The following GRIK1 variants were observed in gnomAD, a reference collection of about 807,000 sequenced individuals.
The protein encoded by GRIK1 is glutamate ionotropic receptor kainate type subunit 1.
Under a neutral mutation model 105.7 loss-of-function variants are expected in GRIK1, and 69 were observed. The observed-to-expected ratio is 0.65, with a 90% CI of 0.54 to 0.80. GRIK1 has a LOEUF of 0.80. Among genes scored for constraint, GRIK1 ranks in the 30% least tolerant of loss-of-function variants. The pLI is 0.00. For synonymous variants in GRIK1, 438 were observed against 431.3 expected, an observed-to-expected ratio of 1.02 and a Z score of -0.19; for missense variants, 1,109 against 1,167.3, an observed-to-expected ratio of 0.95 and a Z score of 0.73.
At chr21:29,793,544 C>T (rs949356883) in intron 1 of GRIK1, among the ~76,000 whole-genome samples, 1 of 151,676 alleles carries the variant, frequency 6.6e-6, no homozygotes, top group African/African-American at 2.4e-5. Context: ...TCCTTCTCCC[C>T]CTTCCTGTTT....
At chr21:29,872,496 A>G (rs2069054051) in intron 1 of GRIK1, among the ~76,000 whole-genome samples, 1 of 152,120 alleles carries the variant, frequency 6.6e-6, no homozygotes, top group Admixed American at 6.5e-5. Flanking sequence ...TCTCTTTTGT[A>G]TGTGGATATA....
In GRIK1 at chr21:29,651,142, A is replaced by G. The variant is rs2146558057; in HGVS notation, c.930T>C (p.Thr310=). The G allele has an allele frequency of 6.2e-7, 1 of 1,609,494 alleles. No individual in the cohort carries two copies. Among genetic ancestry groups the G allele is most frequent in the Non-Finnish European group, 8.5e-7 (1 of 1,178,668 alleles). ...CTGTCATCATGCCATCCAAAAGGCC[A>G]GTCTCGGGCCTGGGTGGGGCCTGCA... ...ERLQAPPRPE[T]GLLDGMMTTE... is the part of the protein sequence containing the mutation. Residue 310 remains threonine (T), a synonymous_variant, in exon 6 of 18, where the codon ACT becomes ACC. Coordinates refer to ENST00000327783, the MANE Select transcript of GRIK1 (RefSeq NM_001330994.2).
chr21:29,682,215 C>A (rs1009019270), intron 3 of GRIK1, among the ~76,000 whole-genome samples: 2 of 152,218 alleles, frequency 1.3e-5, no homozygotes, highest in African/African-American at 2.4e-5. Flanking sequence ...GCTAAAGCTT[C>A]TTCTATTCCA....
At position 29,537,297 on chromosome 21, in the gene GRIK1, T is replaced by C. The variant is rs770945351; in HGVS notation, c.2783A>G (p.Lys928Arg). The C allele has an allele frequency of 1.7e-5, 27 of 1,611,032 alleles. No homozygotes were observed. The highest frequency in any genetic ancestry group is 2.3e-5 in the Non-Finnish European group (27 of 1,177,754). Residue 928 changes from lysine (K) to arginine (R), a missense_variant, in exon 18 of 18, where the codon AAA (lysine) becomes AGA (arginine). By Grantham distance (26) the Lys-to-Arg change is conservative (BLOSUM62 2). Transcript: ENST00000327783. ...AGTAAGGATACTTGTGAAGGAAGAT[T>C]TCCCCTTAGTTCTTGACTTTTTCTT... ...KIKKKSRTKGKSSFTSILTCH... is the reference protein window; with the variant it reads ...KIKKKSRTKGRSSFTSILTCH...
intron 1 of GRIK1, among the ~76,000 whole-genome samples, chr21:29,922,236 C>A (rs1323626855): frequency 6.6e-6 from 1 of 152,006 alleles, no homozygotes; most frequent in Non-Finnish European, 1.5e-5. Context: ...GGTATATAAA[C>A]CTGTGTATCA....
chr21:29,694,188 G>A (rs1027424756), intron 1 of GRIK1, 125 bp from the exon 2 acceptor site: 13 of 631,726 alleles, frequency 2.1e-5, no homozygotes, highest in Admixed American at 6.7e-5. Context: ...GCAATGGCAC[G>A]ATCTCAGCTC....
At chr21:29,584,408 A>G (rs1177396265) in intron 12 of GRIK1, among the ~76,000 whole-genome samples, 1 of 152,202 alleles carries the variant, frequency 6.6e-6, no homozygotes, top group African/African-American at 2.4e-5. Context: ...TATTTGATCT[A>G]TTTAAATTGT....
intron 16 of GRIK1, among the ~76,000 whole-genome samples, chr21:29,550,368 A>G (rs1262778847): frequency 6.6e-6 from 1 of 152,204 alleles, no homozygotes; most frequent in East Asian, 1.9e-4. Flanking sequence ...CATACTGCAT[A>G]GGATTAGTGG....
chr21:29,602,622 A>G (rs1357026716), intron 7 of GRIK1, among the ~76,000 whole-genome samples: 1 of 152,212 alleles, frequency 6.6e-6, no homozygotes, highest in Admixed American at 6.5e-5. Flanking sequence ...TGAGCTCACA[A>G]AGGATAAGTC....
chr21:29,568,799 AGATCTTCATGTCTTGCTCAT>A (rs1162132896), intron 14 of GRIK1, among the ~76,000 whole-genome samples: 1 of 152,236 alleles, frequency 6.6e-6, no homozygotes, highest in Non-Finnish European at 1.5e-5. Flanking sequence ...ATTGCTATTC[AGATCTTCATGTCTTGCTCAT>A]GATTTTATAC....
intron 17 of GRIK1, 31 bp downstream of exon 17, chr21:29,537,767 A>G (rs2089903958): frequency 1.0e-6 from 1 of 992,098 alleles, no homozygotes; most frequent in East Asian, 2.4e-5. Flanking sequence ...GCATACGGAC[A>G]CTTCAGTAAT....
intron 1 of GRIK1, among the ~76,000 whole-genome samples, chr21:29,759,292 T>C (rs1390346588): frequency 6.6e-6 from 1 of 151,974 alleles, no homozygotes; most frequent in Non-Finnish European, 1.5e-5. Flanking sequence ...TAATTTTTTG[T>C]ATTTTTAGTA....
At chr21:29,718,457 T>TA (rs1443357400) in intron 1 of GRIK1, among the ~76,000 whole-genome samples, 2 of 152,170 alleles carry the variant, frequency 1.3e-5, no homozygotes, top group African/African-American at 4.8e-5. Flanking sequence ...CCTTGGAAAA[T>TA]ACATCATGAG....
At chr21:29,862,603 T>A (rs2068681044) in intron 1 of GRIK1, among the ~76,000 whole-genome samples, 1 of 152,188 alleles carries the variant, frequency 6.6e-6, no homozygotes, top group Non-Finnish European at 1.5e-5. Context: ...CATCCTCCTA[T>A]AACCTTCCTC....
At chr21:29,626,715 C>T (rs1446199152) in intron 7 of GRIK1, among the ~76,000 whole-genome samples, 1 of 152,160 alleles carries the variant, frequency 6.6e-6, no homozygotes, top group Admixed American at 6.5e-5. Context: ...CAATGTTTAG[C>T]ACCATTGGTT....
At chr21:29,630,486 C>T (rs999772287) in intron 7 of GRIK1, 3 of 471,148 alleles carry the variant, frequency 6.4e-6, no homozygotes, top group African/African-American at 4.0e-5. Context: ...CAAAATAGTT[C>T]TTTAATAAAA....
chr21:29,893,360 A>T (rs145504689), intron 1 of GRIK1, among the ~76,000 whole-genome samples: 1 of 152,322 alleles, frequency 6.6e-6, no homozygotes, highest in East Asian at 1.9e-4. Flanking sequence ...TGAATAAAAC[A>T]TTCTTTTTCA....
At chr21:29,538,699 A>G (rs895617490) in intron 16 of GRIK1, among the ~76,000 whole-genome samples, 3 of 152,192 alleles carry the variant, frequency 2.0e-5, no homozygotes, top group African/African-American at 7.2e-5. Context: ...GTGTGCCACC[A>G]GGTAATGTGT....
intron 1 of GRIK1, among the ~76,000 whole-genome samples, chr21:29,718,435 C>A (rs1175516507): frequency 6.6e-6 from 1 of 152,210 alleles, no homozygotes; most frequent in African/African-American, 2.4e-5. Context: ...CACAAACTCA[C>A]AAACCTGGTT....
Sources: allele counts gnomAD v4.1 joint callset (sites outside exome capture counted in the v4.1 genomes callset), GRCh38; gene constraint gnomAD v4.1.1; transcripts MANE v1.5; gene names NCBI Gene and HGNC (gene_info 2026-07-23, HGNC 2026-07-21).